Variants in SORCS1 observed in about 807,000 individuals in gnomAD.
The protein encoded by SORCS1 is sortilin related VPS10 domain containing receptor 1, also known as VPS10 domain-containing receptor SorCS1.
In SORCS1, 60 loss-of-function variants were observed where a neutral mutation model predicts 146.1. The ratio of observed to expected loss-of-function variants is 0.41; its 90% CI spans 0.33 to 0.51. SORCS1 has a LOEUF of 0.51. Ranked by LOEUF, SORCS1 falls within the 20% of genes least tolerant of loss-of-function variation. The pLI is 0.21. For missense variants in SORCS1, 1,352 were observed against 1,487.6 expected, an observed-to-expected ratio of 0.91 and a Z score of 1.50; for synonymous variants, 637 against 584.0, an observed-to-expected ratio of 1.09 and a Z score of -1.31.
At chr10:106,899,347 A>C (rs1951609827) in intron 2 of SORCS1, among the ~76,000 whole-genome samples, 1 of 152,206 alleles carries the variant, frequency 6.6e-6, no homozygotes, top group Non-Finnish European at 1.5e-5. Flanking sequence ...GAGAAGAGTA[A>C]GGGAAGGAAT....
chr10:106,928,677 G>A (rs11193118), intron 2 of SORCS1, among the ~76,000 whole-genome samples: 43,790 of 152,104 alleles, frequency 0.29, 6,818 homozygotes, highest in Non-Finnish European at 0.36. Flanking sequence ...CAGAAGCAAA[G>A]CCACATGTGA....
At chr10:107,116,133 GA>G (rs74519627) in intron 1 of SORCS1, among the ~76,000 whole-genome samples, 16,247 of 152,010 alleles carry the variant, frequency 0.11, 1,821 homozygotes, top group East Asian at 0.35. Flanking sequence ...GTGAAGGTGG[GA>G]AAAAATGAAA....
At chr10:107,163,912 C>T in intron 1 of SORCS1, 57 bp downstream of exon 1, 2 of 1,544,668 alleles carry the variant, frequency 1.3e-6, no homozygotes, top group South Asian at 2.4e-5. Context: ...GATCACACAG[C>T]CGACTTTAAC....
chr10:106,801,524 A>ATTTTTTTTTTTTTTT (rs34849434), intron 3 of SORCS1, among the ~76,000 whole-genome samples: 1 of 113,840 alleles, frequency 8.8e-6, no homozygotes, highest in African/African-American at 3.5e-5. Flanking sequence ...TAGTATAGCC[A>ATTTTTTTTTTTTTTT]TTTTTTTTTT....
chr10:107,076,090 A>G (rs6584790), intron 1 of SORCS1, among the ~76,000 whole-genome samples: 12,158 of 152,182 alleles, frequency 0.08, 1,522 homozygotes, highest in African/African-American at 0.27. Flanking sequence ...AAAATTGCCA[A>G]TTATCTCAGA....
chr10:106,748,935 G>T (rs928395086), intron 5 of SORCS1, among the ~76,000 whole-genome samples: 2 of 152,152 alleles, frequency 1.3e-5, no homozygotes, highest in Admixed American at 1.3e-4. Flanking sequence ...TATACATAAT[G>T]TGGCATACAC....
intron 1 of SORCS1, among the ~76,000 whole-genome samples, chr10:107,158,115 ACT>A (rs1431188690): frequency 6.6e-6 from 1 of 152,166 alleles, no homozygotes; most frequent in Admixed American, 6.5e-5. Flanking sequence ...TTTTGTGAAA[ACT>A]CTGTGTGGAA....
chr10:106,869,129 A>T (rs565297587), intron 2 of SORCS1, among the ~76,000 whole-genome samples: 2 of 152,312 alleles, frequency 1.3e-5, no homozygotes, highest in African/African-American at 4.8e-5. Flanking sequence ...CACCCTCCTA[A>T]GAATGAACCA....
At chr10:106,911,223 A>T (rs1010390469) in intron 2 of SORCS1, among the ~76,000 whole-genome samples, 2 of 152,228 alleles carry the variant, frequency 1.3e-5, no homozygotes, top group African/African-American at 4.8e-5. Context: ...TTAGCTTTCA[A>T]CAACAGAAAA....
At chr10:106,843,380 G>C (rs1564724485) in intron 2 of SORCS1, among the ~76,000 whole-genome samples, 1 of 150,026 alleles carries the variant, frequency 6.7e-6, no homozygotes, top group Admixed American at 6.6e-5. Flanking sequence ...ATCTCACTTA[G>C]CATAATGTTT....
At chr10:106,886,435 C>T (rs185302444) in intron 2 of SORCS1, among the ~76,000 whole-genome samples, 56 of 152,026 alleles carry the variant, frequency 3.7e-4, no homozygotes, top group African/African-American at 1.3e-3. Context: ...CTTAGTAATT[C>T]TTAGAATCAA....
At chr10:106,893,848 T>G (rs547408030) in intron 2 of SORCS1, among the ~76,000 whole-genome samples, 30 of 152,330 alleles carry the variant, frequency 2.0e-4, no homozygotes, top group African/African-American at 7.0e-4. Context: ...GCCAGCAGCA[T>G]GAGGTTGAAT....
intron 1 of SORCS1, among the ~76,000 whole-genome samples, chr10:107,045,109 G>A (rs1245614247): frequency 6.6e-6 from 1 of 152,122 alleles, no homozygotes; most frequent in Non-Finnish European, 1.5e-5. Flanking sequence ...GACCATCAAT[G>A]CCAGGTTAAA....
chr10:106,750,127 C>CCT (rs2136171250), intron 5 of SORCS1, among the ~76,000 whole-genome samples: 1 of 152,288 alleles, frequency 6.6e-6, no homozygotes, highest in Admixed American at 6.5e-5. Flanking sequence ...TAAACTCCTC[C>CCT]TAATAAAATT....
At chr10:107,104,802 C>T (rs1041422075) in intron 1 of SORCS1, among the ~76,000 whole-genome samples, 2 of 152,136 alleles carry the variant, frequency 1.3e-5, no homozygotes, top group African/African-American at 4.8e-5. Context: ...TTTTCAGAGA[C>T]ACGTGAGGTT....
At chr10:106,811,453 A>G (rs935298112) in intron 3 of SORCS1, among the ~76,000 whole-genome samples, 6 of 152,214 alleles carry the variant, frequency 3.9e-5, no homozygotes, top group Non-Finnish European at 8.8e-5. Context: ...GGGAGATGGA[A>G]AAGTGGCACA....
chr10:106,972,960 G>A (rs565988406), intron 1 of SORCS1, among the ~76,000 whole-genome samples: 20 of 152,244 alleles, frequency 1.3e-4, no homozygotes, highest in Admixed American at 7.2e-4. Flanking sequence ...CTGGAAGTAC[G>A]GCCTTGAAGG....
chr10:106,839,748 G>C (rs1948942024), intron 2 of SORCS1, among the ~76,000 whole-genome samples: 1 of 152,140 alleles, frequency 6.6e-6, no homozygotes, highest in Non-Finnish European at 1.5e-5. Context: ...TCTTGTTGGG[G>C]GCTAATGCAA....
chr10:106,956,833 T>A (rs1336920842), intron 1 of SORCS1, among the ~76,000 whole-genome samples: 1 of 152,202 alleles, frequency 6.6e-6, no homozygotes, highest in African/African-American at 2.4e-5. Flanking sequence ...CCTGCAGGCA[T>A]TTCTTTCCCT....
Sources: gnomAD v4.1 joint callset for allele counts (sites outside exome capture counted in the v4.1 genomes callset) on GRCh38, gnomAD v4.1.1 for gene constraint, MANE v1.5 for transcripts, NCBI Gene and HGNC (gene_info 2026-07-23, HGNC 2026-07-21) for gene names.